The following SOX6 variants were observed in gnomAD, a reference collection of about 807,000 sequenced individuals.
The protein encoded by SOX6 is SRY-box transcription factor 6, also known as transcription factor SOX-6.
SOX6 carries 11 observed loss-of-function variants against 97.8 expected under a neutral mutation model. The ratio of observed to expected loss-of-function variants is 0.11; its 90% CI spans 0.07 to 0.19. SOX6 has a LOEUF of 0.19. Ranked by LOEUF, SOX6 falls within the 10% of genes least tolerant of loss-of-function variation. SOX6 has a pLI of 1.00. For missense variants in SOX6, 810 were observed against 1,039.5 expected, an observed-to-expected ratio of 0.78 and a Z score of 3.04; for synonymous variants, 360 against 371.4, an observed-to-expected ratio of 0.97 and a Z score of 0.35.
At chr11:16,402,817 C>T (rs1483269097) in intron 1 of SOX6, 2 of 1,561,700 alleles carry the variant, frequency 1.3e-6, no homozygotes, top group Admixed American at 3.8e-5. Context: ...GTCCTTGAAG[C>T]TCACCATGAC....
At chr11:16,481,235 A>G (rs1244582743), upstream of SOX6, among the ~76,000 whole-genome samples, 1 of 152,162 alleles carries the variant, frequency 6.6e-6, no homozygotes, top group Non-Finnish European at 1.5e-5. Flanking sequence ...ATATTAAATT[A>G]TGCAGAATTT....
intron 1 of SOX6, among the ~76,000 whole-genome samples, chr11:16,447,541 TAGAC>T (rs780610544): frequency 2.9e-4 from 44 of 152,148 alleles, no homozygotes; most frequent in African/African-American, 6.5e-4. Flanking sequence ...GAGAGAGAGA[TAGAC>T]AGAACTGGCA....
intron 3 of SOX6, among the ~76,000 whole-genome samples, chr11:16,713,818 A>T (rs888963568): frequency 2.6e-5 from 4 of 152,216 alleles, no homozygotes; most frequent in African/African-American, 7.2e-5. Context: ...AACTCAAATC[A>T]GGCAGCTACT....
chr11:16,644,583 T>TGGGGGG (rs534231257), intron 3 of SOX6, among the ~76,000 whole-genome samples: 26 of 151,996 alleles, frequency 1.7e-4, no homozygotes, highest in African/African-American at 5.1e-4. Flanking sequence ...CCAAGGTTAT[T>TGGGGGG]GGGGGGGTAG....
intron 1 of SOX6, among the ~76,000 whole-genome samples, chr11:16,443,174 T>C (rs1294654203): frequency 6.6e-6 from 1 of 152,224 alleles, no homozygotes; most frequent in Non-Finnish European, 1.5e-5. Context: ...TCAATGAAGC[T>C]TCCCCCCAGT....
intron 4 of SOX6, among the ~76,000 whole-genome samples, chr11:16,496,680 C>A (rs887130302): frequency 2.0e-5 from 3 of 152,204 alleles, no homozygotes; most frequent in African/African-American, 7.2e-5. Flanking sequence ...TATCCCGTGC[C>A]TGGATCAGAG....
intron 4 of SOX6, among the ~76,000 whole-genome samples, chr11:16,538,125 C>A (rs1403621722): frequency 1.3e-5 from 2 of 152,144 alleles, no homozygotes; most frequent in Admixed American, 6.6e-5. Context: ...AACAGCAGAT[C>A]TCTCTGCAGA....
At chr11:16,101,144 C>A (rs796483987) in intron 7 of SOX6, among the ~76,000 whole-genome samples, 3 of 151,618 alleles carry the variant, frequency 2.0e-5, no homozygotes, top group Non-Finnish European at 3.0e-5. Context: ...TGAATCACAA[C>A]CACTGATGCA....
intron 1 of SOX6, among the ~76,000 whole-genome samples, chr11:16,444,041 C>A (rs1218049797): frequency 1.3e-5 from 2 of 149,228 alleles, no homozygotes; most frequent in Admixed American, 1.3e-4. Context: ...ATTGCCCCGA[C>A]CTTTTTTTAA....
At chr11:16,136,193 G>A (rs1239181211) in intron 6 of SOX6, among the ~76,000 whole-genome samples, 2 of 151,714 alleles carry the variant, frequency 1.3e-5, no homozygotes, top group African/African-American at 4.8e-5. Flanking sequence ...TAATTTTTTT[G>A]TATTTTAGTA....
intron 1 of SOX6, among the ~76,000 whole-genome samples, chr11:16,437,885 G>C (rs1246174248): frequency 1.3e-5 from 2 of 152,140 alleles, no homozygotes; most frequent in African/African-American, 4.8e-5. Flanking sequence ...TACAGTGTCT[G>C]GTATATGGTA....
chr11:16,326,470 C>A (rs1856095951), intron 2 of SOX6, among the ~76,000 whole-genome samples: 2 of 151,924 alleles, frequency 1.3e-5, no homozygotes, highest in South Asian at 4.1e-4. Context: ...TTTTCTGACA[C>A]CAAATCCAAT....
At chr11:15,973,931 T>G (rs750091467) in intron 15 of SOX6, among the ~76,000 whole-genome samples, 7 of 152,236 alleles carry the variant, frequency 4.6e-5, no homozygotes, top group African/African-American at 4.8e-5. Context: ...GAGGTCAATC[T>G]CTTCCTCTGC....
chr11:16,584,282 C>T (rs1446010199), intron 4 of SOX6, among the ~76,000 whole-genome samples: 2 of 152,142 alleles, frequency 1.3e-5, no homozygotes, highest in Non-Finnish European at 2.9e-5. Context: ...CCTTTCAATT[C>T]TAAAGTTCCA....
At chr11:16,485,860 T>C (rs1452370338) in intron 4 of SOX6, among the ~76,000 whole-genome samples, 1 of 143,318 alleles carries the variant, frequency 7.0e-6, no homozygotes, top group Non-Finnish European at 1.5e-5. Context: ...CGCCACTGCA[T>C]TCTATCCTGG....
At chr11:16,048,699 T>C (rs1211644342) in intron 11 of SOX6, among the ~76,000 whole-genome samples, 1 of 152,170 alleles carries the variant, frequency 6.6e-6, no homozygotes, top group Admixed American at 6.5e-5. Flanking sequence ...CATTATTTTA[T>C]CTATTGAAAT....
intron 4 of SOX6, among the ~76,000 whole-genome samples, chr11:16,199,976 G>A (rs1851889358): frequency 6.6e-6 from 1 of 152,060 alleles, no homozygotes; most frequent in Non-Finnish European, 1.5e-5. Flanking sequence ...CCTTCTTCCA[G>A]TAAAATTAAA....
chr11:16,502,436 A>G (rs1860722726), intron 4 of SOX6, among the ~76,000 whole-genome samples: 2 of 147,448 alleles, frequency 1.4e-5, no homozygotes, highest in Admixed American at 7.0e-5. Flanking sequence ...CGTTGTTAAC[A>G]TGTACCCTAA....
At chr11:16,111,693 A>T in intron 7 of SOX6, 110 bp downstream of exon 7, 1 of 1,387,046 alleles carries the variant, frequency 7.2e-7, no homozygotes, top group Non-Finnish European at 1.0e-6. Flanking sequence ...AGCTTTTATG[A>T]TATTTTTATT....
Sources: gnomAD v4.1 joint callset for allele counts (sites outside exome capture counted in the v4.1 genomes callset) on GRCh38, gnomAD v4.1.1 for gene constraint, MANE v1.5 for transcripts, NCBI Gene and HGNC (gene_info 2026-07-23, HGNC 2026-07-21) for gene names.